Variants in PCGF6 observed in about 807,000 individuals in gnomAD.
PCGF6 encodes polycomb group RING finger protein 6.
In PCGF6, 24 loss-of-function variants were observed where a neutral mutation model predicts 45.5. That is an observed-to-expected ratio of 0.53 (90% confidence interval 0.38 to 0.74). The LOEUF (loss-of-function observed/expected upper bound fraction) is 0.74. PCGF6 is among the 30% of genes least tolerant of loss of function. PCGF6 has a pLI of 0.00. For missense variants in PCGF6, 356 were observed against 443.2 expected (o/e 0.80, Z 1.77); for synonymous variants, 152 against 162.1 (o/e 0.94, Z 0.47).
At chr10:103,333,792 A>T (rs1340774688) in intron 7 of PCGF6, 133 bp downstream of exon 7, 1 of 611,036 alleles carries the variant, frequency 1.6e-6, no homozygotes, top group African/African-American at 2.0e-5. Flanking sequence ...TTATTCATAA[A>T]TCTATAATAT....
rs1046809885 is a variant in PCGF6 at position 103,303,913 on chromosome 10, T to C, written c.1045A>G (p.Ile349Val). The C allele has an allele frequency of 1.1e-5, 17 of 1,612,474 alleles. No individual in the cohort carries two copies. The highest frequency in any genetic ancestry group is 1.3e-5 in the African/African-American group (1 of 74,856). Residue 349 changes from isoleucine to valine, a missense_variant, in exon 10 of 10, where the codon ATA becomes GTA. This residue lies in a region of PCGF6 where 49 missense variants were observed against 93.0 expected (regional missense o/e 0.53). Coordinates refer to ENST00000369847, the MANE Select transcript of PCGF6 (RefSeq NM_001011663.2). ...TAATGTGCCTAGAATCTTCAAGTTA[T>C]CTTCAGAGGAGAAACCACAAGACCA... ...HYGLVVSPLKIT is the reference protein window; with the variant it reads ...HYGLVVSPLKVT
At chr10:103,316,528 C>T (rs2093176855) in intron 8 of PCGF6, among the ~76,000 whole-genome samples, 1 of 152,102 alleles carries the variant, frequency 6.6e-6, no homozygotes, top group African/African-American at 2.4e-5. Context: ...ATTAAACTTT[C>T]CTGAGATCAC....
At chr10:103,344,704 A>G (rs879814239) in intron 6 of PCGF6, among the ~76,000 whole-genome samples, 92 of 151,534 alleles carry the variant, frequency 6.1e-4, no homozygotes, top group African/African-American at 2.1e-3. Context: ...CTGGGATTAC[A>G]GGCACCCGCC....
chr10:103,320,635 C>T (rs557407651), intron 8 of PCGF6, among the ~76,000 whole-genome samples: 22 of 151,928 alleles, frequency 1.4e-4, no homozygotes, highest in South Asian at 1.2e-3. Context: ...TGCGGTGAGC[C>T]GACATCATCG....
intron 6 of PCGF6, 29 bp downstream of exon 6, chr10:103,344,995 G>A: frequency 6.9e-7 from 1 of 1,451,906 alleles, no homozygotes; most frequent in Non-Finnish European, 9.5e-7. Flanking sequence ...CATTCTTTAA[G>A]TTAAAAGGTA....
intron 5 of PCGF6, among the ~76,000 whole-genome samples, chr10:103,345,785 G>A (rs2093296781): frequency 2.0e-5 from 3 of 151,768 alleles, no homozygotes; most frequent in East Asian, 1.9e-4. Context: ...CCGAGATCAT[G>A]CCACTGCACT....
rs774413592 is a variant in PCGF6, at chr10:103,345,129, A to G, written c.677T>C (p.Val226Ala). 3.8e-6 allele frequency: 6 copies of G among 1,597,314 alleles called. No homozygotes were observed. Among genetic ancestry groups the G allele is most frequent in the South Asian group, 1.1e-5 (1 of 87,798 alleles). Reference sequence around the variant, plus strand: ...TTTGCTTGAAGGGACTGGCTGTGGAACAGCTATTTAATAGTCAAACAAAAA... The same window carrying G: ...TTTGCTTGAAGGGACTGGCTGTGGAGCAGCTATTTAATAGTCAAACAAAAA... ...ERGLEVPKPA[V>A]PQPVPSSKGR... The change falls in exon 6 of 10, where the codon GTT becomes GCT. Residue 226 changes from valine (V) to alanine (A), a missense_variant. Physicochemically the swap from Val to Ala is moderately conservative, Grantham distance 64 (BLOSUM62 0). This residue lies in a region of PCGF6 where 307 missense variants were observed against 350.1 expected (regional missense o/e 0.88). Coordinates refer to ENST00000369847, the MANE Select transcript of PCGF6 (RefSeq NM_001011663.2).
intron 7 of PCGF6, among the ~76,000 whole-genome samples, chr10:103,328,476 C>T (rs1441281005): frequency 6.6e-6 from 1 of 152,188 alleles, no homozygotes; most frequent in Non-Finnish European, 1.5e-5. Context: ...TGAGTGTAGG[C>T]ACTCCAGGCA....
At chr10:103,328,485 C>T (rs375065378) in intron 7 of PCGF6, among the ~76,000 whole-genome samples, 2 of 152,160 alleles carry the variant, frequency 1.3e-5, no homozygotes, top group Non-Finnish European at 2.9e-5. Context: ...GCACTCCAGG[C>T]AGACACCTGG....
At chr10:103,312,189 C>G (rs1009165800) in intron 9 of PCGF6, among the ~76,000 whole-genome samples, 15 of 150,648 alleles carry the variant, frequency 1.0e-4, no homozygotes, top group African/African-American at 3.4e-4. Context: ...GTCAGGAGAT[C>G]GAGACCATCC....
intron 9 of PCGF6, among the ~76,000 whole-genome samples, chr10:103,306,340 C>T (rs369554797): frequency 1.3e-5 from 2 of 152,164 alleles, no homozygotes; most frequent in South Asian, 2.1e-4. Flanking sequence ...TCAGGTGATC[C>T]GCCCGCCTTG....
At chr10:103,331,947 C>A (rs939190323) in intron 7 of PCGF6, among the ~76,000 whole-genome samples, 3 of 152,194 alleles carry the variant, frequency 2.0e-5, no homozygotes, top group Non-Finnish European at 4.4e-5. Flanking sequence ...CACGCGCCAC[C>A]GCGCCTGGCT....
chr10:103,342,543 T>C lies in PCGF6; in HGVS notation c.782+2481A>G, dbSNP rs551651526. ...GCCACCATGCCTGGCCAAGATTTTCTTATATGGCCTTTCAGGAATGGCCTG... is the reference window on the plus strand; with the variant it reads ...GCCACCATGCCTGGCCAAGATTTTCCTATATGGCCTTTCAGGAATGGCCTG... On this transcript the variant is annotated intron_variant, in intron 6 of 9. Coordinates refer to ENST00000369847, the MANE Select transcript of PCGF6 (RefSeq NM_001011663.2). Among the ~76,000 whole-genome samples the C allele has an allele frequency of 7.9e-5, 12 of 152,180 alleles. No individual in the cohort carries two copies. The South Asian group carries it at 2.3e-3, about 29-fold the overall frequency.
At position 103,351,086 on chromosome 10, in the gene PCGF6, C is replaced by A. The variant is rs756878812; in HGVS notation, c.-20G>T. 2.5e-5 allele frequency: 34 copies of A among 1,352,314 alleles called. No individual in the cohort carries two copies. The highest frequency in any genetic ancestry group is 2.4e-4 in the Admixed American group (8 of 33,340). 83.8% of individuals were successfully genotyped at this position (1,352,314 alleles called of 1,614,324 possible). A position where few individuals can be genotyped will look rare whatever the true frequency, so the allele number is the denominator to read the frequency against. On this transcript the variant is annotated 5_prime_UTR_variant, in exon 1 of 10. Transcript: ENST00000369847. ...CTCCATGGTCGGGAGAGACACCAGG[C>A]GAGGCGAGGCGGCGGGAGAGCGCGG...
At chr10:103,330,645 T>G (rs1405763197) in intron 7 of PCGF6, among the ~76,000 whole-genome samples, 1 of 151,990 alleles carries the variant, frequency 6.6e-6, no homozygotes, top group Non-Finnish European at 1.5e-5. Flanking sequence ...AAAAGACGCC[T>G]GGCTGGGCAA....
intron 9 of PCGF6, among the ~76,000 whole-genome samples, chr10:103,311,058 A>T (rs2093155648): frequency 6.6e-6 from 1 of 151,254 alleles, no homozygotes; most frequent in African/African-American, 2.4e-5. Context: ...AAGTCTTGGA[A>T]CTCCTGGGGT....
At chr10:103,319,579 C>T (rs2093189128) in intron 8 of PCGF6, among the ~76,000 whole-genome samples, 1 of 152,112 alleles carries the variant, frequency 6.6e-6, no homozygotes, top group Non-Finnish European at 1.5e-5. Context: ...TCATTACATC[C>T]TATTGTTAGT....
chr10:103,320,971 G>C (rs1267365009), intron 8 of PCGF6, among the ~76,000 whole-genome samples: 3 of 152,072 alleles, frequency 2.0e-5, no homozygotes, highest in Non-Finnish European at 2.9e-5. Flanking sequence ...GTTCATATTA[G>C]AAGTAACTCT....
chr10:103,348,817 T>G lies in PCGF6; in HGVS notation c.461-5A>C, dbSNP rs758134557. The G allele has an allele frequency of 6.2e-7, 1 of 1,608,698 alleles. No homozygotes were observed. The highest frequency in any genetic ancestry group is 8.5e-7 in the Non-Finnish European group (1 of 1,177,812). ...TTACGATGCAGCTTTTACAAACTGT[T>G]GAAAAAGAATGTTGAAGTCAGGATG... On this transcript the variant is annotated splice_region_variant and splice_polypyrimidine_tract_variant and intron_variant, in intron 2 of 9. Transcript: ENST00000369847.
Sources: gnomAD v4.1 joint callset for allele counts (sites outside exome capture counted in the v4.1 genomes callset) on GRCh38, gnomAD v4.1.1 for gene constraint, gnomAD v4.1.1 regional missense constraint, MANE v1.5 for transcripts, NCBI Gene and HGNC (gene_info 2026-07-23, HGNC 2026-07-21) for gene names.